CSRNP3: variants seen among roughly 807,000 people sequenced by gnomAD.
CSRNP3 encodes the protein cysteine and serine rich nuclear protein 3.
In CSRNP3, 12 loss-of-function variants were observed where a neutral mutation model predicts 48.0. The ratio of observed to expected loss-of-function variants is 0.25; its 90% CI spans 0.16 to 0.41. The LOEUF (loss-of-function observed/expected upper bound fraction) is 0.41. Ranked by LOEUF, CSRNP3 falls within the 10% of genes least tolerant of loss-of-function variation. CSRNP3 has a pLI of 1.00. For missense variants in CSRNP3, 580 were observed against 724.4 expected (o/e 0.80, Z 2.29); for synonymous variants, 263 against 269.7 (o/e 0.98, Z 0.24).
chr2:165,602,234 A>G (rs1558947134), intron 4 of CSRNP3, among the ~76,000 whole-genome samples: 1 of 152,110 alleles, frequency 6.6e-6, no homozygotes, highest in Non-Finnish European at 1.5e-5. Context: ...GCCTGTAATA[A>G]TATGCTTATA....
intron 4 of CSRNP3, among the ~76,000 whole-genome samples, chr2:165,602,690 A>T (rs894164539): frequency 2.0e-5 from 3 of 152,124 alleles, no homozygotes; most frequent in African/African-American, 7.2e-5. Flanking sequence ...GAAATAGTTA[A>T]CCACTGCTAC....
intron 5 of CSRNP3, among the ~76,000 whole-genome samples, chr2:165,674,137 C>T (rs150036940): frequency 3.5e-4 from 54 of 152,116 alleles, no homozygotes; most frequent in Non-Finnish European, 6.9e-4. Flanking sequence ...TATTACAGAA[C>T]GTGGAGATTA....
Position 165,569,792 on chromosome 2 carries a change from G to T in CSRNP3, c.-23-25251G>T, listed in dbSNP as rs1685344020. Reference sequence around the variant, plus strand: ...TGATTCCAGAGTTTTGATTAGAAGGGTGGGCATATTTTGTAATTTGTTTTT... The same window carrying T: ...TGATTCCAGAGTTTTGATTAGAAGGTTGGGCATATTTTGTAATTTGTTTTT... On this transcript the variant is annotated intron_variant, in intron 3 of 6. Coordinates refer to ENST00000651982, the MANE Select transcript of CSRNP3 (RefSeq NM_001172173.2). 1.3e-5 allele frequency among the ~76,000 whole-genome samples: 2 copies of T among 151,732 alleles called. 1 individual carries two copies. Among genetic ancestry groups the T allele is most frequent in the South Asian group, 4.1e-4 (2 of 4,828 alleles).
At chr2:165,650,287 A>G (rs974365271) in intron 4 of CSRNP3, among the ~76,000 whole-genome samples, 4 of 152,184 alleles carry the variant, frequency 2.6e-5, no homozygotes, top group African/African-American at 9.7e-5. Flanking sequence ...GATTGCTTTT[A>G]ATACCAAACT....
chr2:165,498,931 A>G (rs1684321848), intron 2 of CSRNP3, among the ~76,000 whole-genome samples: 1 of 152,186 alleles, frequency 6.6e-6, no homozygotes, highest in Non-Finnish European at 1.5e-5. Context: ...TTGCTATTAA[A>G]TATTAAAGAT....
intron 4 of CSRNP3, among the ~76,000 whole-genome samples, chr2:165,652,936 C>A (rs919773865): frequency 6.6e-6 from 1 of 152,146 alleles, no homozygotes; most frequent in Admixed American, 6.5e-5. Flanking sequence ...AAAGCCAATA[C>A]TGAACTCTGT....
At chr2:165,666,853 AAGAGAGAGAGTAAGAAAG>A (rs1687224653) in intron 5 of CSRNP3, among the ~76,000 whole-genome samples, 1 of 114,932 alleles carries the variant, frequency 8.7e-6, no homozygotes, top group Non-Finnish European at 1.9e-5. Context: ...GAAGGGAGGA[AAGAGAGAGAGTAAGAAAG>A]AGAGAGAGGA....
chr2:165,481,349 T>A (rs1684040488), intron 1 of CSRNP3, among the ~76,000 whole-genome samples: 1 of 152,132 alleles, frequency 6.6e-6, no homozygotes, highest in African/African-American at 2.4e-5. Context: ...CCCCTGAGAT[T>A]ACTGCAGTGC....
At chr2:165,572,090 C>G (rs202109028) in intron 3 of CSRNP3, among the ~76,000 whole-genome samples, 2 of 152,030 alleles carry the variant, frequency 1.3e-5, no homozygotes, top group African/African-American at 4.8e-5. Flanking sequence ...AATTATTATT[C>G]AACCTCTTAT....
At chr2:165,602,115 T>G (rs1685925501) in intron 4 of CSRNP3, among the ~76,000 whole-genome samples, 1 of 152,136 alleles carries the variant, frequency 6.6e-6, no homozygotes, top group African/African-American at 2.4e-5. Context: ...ACTCAATGCT[T>G]TTGTAAACAA....
At position 165,679,848 on chromosome 2, in the gene CSRNP3, A is replaced by G; in HGVS notation, c.*95A>G. ...TCATCATTGTTTAAACTGAAGACCA[A>G]GAAAACTTGGACGGTGGTTAATCTT... On this transcript the variant is annotated 3_prime_UTR_variant, in exon 7 of 7. Transcript: ENST00000651982. 6.7e-7 allele frequency: 1 copy of G among 1,503,584 alleles called. No individual in the cohort carries two copies. The allele number at this position is 1,503,584 out of a possible 1,614,324, so 93.1% of individuals were successfully genotyped here. A position where few individuals can be genotyped will look rare whatever the true frequency, so the allele number is the denominator to read the frequency against.
At chr2:165,637,409 T>G (rs939312235) in intron 4 of CSRNP3, among the ~76,000 whole-genome samples, 8 of 152,212 alleles carry the variant, frequency 5.3e-5, no homozygotes, top group African/African-American at 1.9e-4. Flanking sequence ...ATACCTGGCA[T>G]CACTAATGGA....
intron 2 of CSRNP3, among the ~76,000 whole-genome samples, chr2:165,496,429 G>A (rs1328237876): frequency 1.3e-5 from 2 of 152,052 alleles, no homozygotes; most frequent in African/African-American, 4.8e-5. Flanking sequence ...AAAACGCCTA[G>A]AAGAGTACTG....
intron 3 of CSRNP3, among the ~76,000 whole-genome samples, chr2:165,558,524 T>C (rs1685190119): frequency 6.6e-6 from 1 of 152,160 alleles, no homozygotes; most frequent in South Asian, 2.1e-4. Context: ...TTAAAAACCA[T>C]TTGTAGAAAA....
At chr2:165,489,305 A>G (rs1399607961) in intron 1 of CSRNP3, among the ~76,000 whole-genome samples, 2 of 147,350 alleles carry the variant, frequency 1.4e-5, no homozygotes, top group African/African-American at 2.5e-5. Context: ...GCAATAATCA[A>G]TAGTTTACCA....
intron 3 of CSRNP3, among the ~76,000 whole-genome samples, chr2:165,527,814 C>T (rs895979223): frequency 6.6e-6 from 1 of 151,832 alleles, no homozygotes; most frequent in African/African-American, 2.4e-5. Flanking sequence ...GTTTGAGTAG[C>T]CTTATTATTT....
At chr2:165,648,063 A>C (rs1686843303) in intron 4 of CSRNP3, among the ~76,000 whole-genome samples, 1 of 152,162 alleles carries the variant, frequency 6.6e-6, no homozygotes, top group African/African-American at 2.4e-5. Context: ...GCAAAACATT[A>C]ATATTGCATT....
At chr2:165,632,657 ATAG>A (rs1686558705) in intron 4 of CSRNP3, among the ~76,000 whole-genome samples, 1 of 152,252 alleles carries the variant, frequency 6.6e-6, no homozygotes, top group Non-Finnish European at 1.5e-5. Context: ...TTATGTTTAA[ATAG>A]AGTCTCCATG....
intron 5 of CSRNP3, among the ~76,000 whole-genome samples, chr2:165,667,922 C>G (rs1687261799): frequency 6.6e-6 from 1 of 152,204 alleles, no homozygotes; most frequent in African/African-American, 2.4e-5. Context: ...AACTCCATAC[C>G]TAGTACAGTG....
Sources: gnomAD v4.1 joint callset for allele counts (sites outside exome capture counted in the v4.1 genomes callset) on GRCh38, gnomAD v4.1.1 for gene constraint, MANE v1.5 for transcripts, NCBI Gene and HGNC (gene_info 2026-07-23, HGNC 2026-07-21) for gene names.